Variants in UST observed in about 807,000 individuals in gnomAD.
The protein encoded by UST is uronyl 2-sulfotransferase.
Under a neutral mutation model 45.6 loss-of-function variants are expected in UST, and 21 were observed. That is an observed-to-expected ratio of 0.46 (90% CI 0.33 to 0.66). The LOEUF (loss-of-function observed/expected upper bound fraction) is 0.66, where lower values mean the gene tolerates loss of function less well. Among genes scored for constraint, UST ranks in the 30% least tolerant of loss-of-function variants. The pLI, the probability that UST is intolerant of heterozygous loss-of-function variation, is 0.02. For synonymous variants in UST, 215 were observed against 200.6 expected (o/e 1.07, Z -0.61); for missense variants, 463 against 512.4 (o/e 0.90, Z 0.93).
chr6:148,909,196 A>G (rs1779428583), intron 2 of UST, among the ~76,000 whole-genome samples: 1 of 152,226 alleles, frequency 6.6e-6, no homozygotes, highest in African/African-American at 2.4e-5. Context: ...ACTTTGTGAG[A>G]AATTCAAATT....
intron 2 of UST, among the ~76,000 whole-genome samples, chr6:148,923,913 C>T (rs1779763627): frequency 6.6e-6 from 1 of 152,160 alleles, no homozygotes; most frequent in Admixed American, 6.5e-5. Flanking sequence ...GATTTAATGC[C>T]CCTGGACCTC....
At chr6:149,041,285 C>G (rs1057342928) in intron 7 of UST, among the ~76,000 whole-genome samples, 8 of 152,228 alleles carry the variant, frequency 5.3e-5, no homozygotes, top group Non-Finnish European at 1.2e-4. Context: ...GGAGTTGGAA[C>G]CTGCTGGCTC....
At chr6:149,063,334 T>C (rs368055454) in intron 7 of UST, among the ~76,000 whole-genome samples, 3 of 152,136 alleles carry the variant, frequency 2.0e-5, no homozygotes, top group Non-Finnish European at 4.4e-5. Context: ...TCAATAGTTA[T>C]CATAAAATTA....
chr6:148,975,654 T>C (rs910285335), intron 5 of UST, among the ~76,000 whole-genome samples: 1 of 152,160 alleles, frequency 6.6e-6, no homozygotes, highest in Non-Finnish European at 1.5e-5. Flanking sequence ...TTTACAGTTA[T>C]CTCAATAAAA....
At chr6:148,813,566 G>A (rs1777299782) in intron 1 of UST, among the ~76,000 whole-genome samples, 1 of 152,064 alleles carries the variant, frequency 6.6e-6, no homozygotes, top group African/African-American at 2.4e-5. Flanking sequence ...ATTTTTAGTA[G>A]AGATGGGGTT....
chr6:148,929,651 G>A (rs185906373), intron 2 of UST, among the ~76,000 whole-genome samples: 1 of 152,174 alleles, frequency 6.6e-6, no homozygotes, highest in Non-Finnish European at 1.5e-5. Context: ...ACGAGAGAAT[G>A]TATTCTCTTT....
At chr6:149,028,522 C>G (rs1162453194) in intron 7 of UST, among the ~76,000 whole-genome samples, 1 of 152,206 alleles carries the variant, frequency 6.6e-6, no homozygotes, top group African/African-American at 2.4e-5. Context: ...TATCCTTGAC[C>G]TGTTTCACCA....
intron 1 of UST, among the ~76,000 whole-genome samples, chr6:148,791,882 C>T (rs1466256037): frequency 6.6e-6 from 1 of 152,162 alleles, no homozygotes; most frequent in Admixed American, 6.5e-5. Flanking sequence ...GCGAGTAAGT[C>T]AGGACCAACG....
intron 5 of UST, among the ~76,000 whole-genome samples, chr6:148,982,386 A>G (rs1781156202): frequency 6.6e-6 from 1 of 152,082 alleles, no homozygotes; most frequent in Non-Finnish European, 1.5e-5. Context: ...GGCATGAACC[A>G]CTGCACCCAA....
intron 2 of UST, among the ~76,000 whole-genome samples, chr6:148,908,611 A>G (rs1398689154): frequency 1.3e-5 from 2 of 152,206 alleles, no homozygotes; most frequent in African/African-American, 4.8e-5. Context: ...TGTGTGTTAA[A>G]CGAATTTAGA....
intron 1 of UST, among the ~76,000 whole-genome samples, chr6:148,820,968 CTTTTTTTT>C (rs71007920): frequency 2.5e-4 from 23 of 91,230 alleles, no homozygotes; most frequent in African/African-American, 9.1e-4. Flanking sequence ...TTTTTAATTC[CTTTTTTTT>C]TTTTTTTTTT....
chr6:148,938,668 G>A (rs1780063880), intron 2 of UST, among the ~76,000 whole-genome samples: 1 of 152,114 alleles, frequency 6.6e-6, no homozygotes, highest in South Asian at 2.1e-4. Context: ...ATTGTCAGTT[G>A]TTGATCAATG....
At chr6:148,973,108 T>C (rs936709823) in intron 5 of UST, among the ~76,000 whole-genome samples, 1 of 152,238 alleles carries the variant, frequency 6.6e-6, no homozygotes, top group South Asian at 2.1e-4. Flanking sequence ...TGTTAGGCTT[T>C]TCATTGGCAT....
At chr6:148,860,591 C>T (rs911427906) in intron 1 of UST, among the ~76,000 whole-genome samples, 4 of 152,142 alleles carry the variant, frequency 2.6e-5, no homozygotes, top group African/African-American at 9.7e-5. Context: ...AAAGGGAATG[C>T]TTCCAGTTTT....
intron 1 of UST, among the ~76,000 whole-genome samples, chr6:148,838,346 C>T (rs1777828515): frequency 6.6e-6 from 1 of 152,124 alleles, no homozygotes; most frequent in Admixed American, 6.5e-5. Flanking sequence ...GACACGAGGT[C>T]AGAGAGGAAG....
At chr6:149,039,533 G>A (rs1356807171) in intron 7 of UST, among the ~76,000 whole-genome samples, 2 of 152,164 alleles carry the variant, frequency 1.3e-5, no homozygotes, top group African/African-American at 2.4e-5. Context: ...ACAGCGGCAC[G>A]GCAAGTTAGA....
intron 2 of UST, among the ~76,000 whole-genome samples, chr6:148,911,470 C>T (rs925549033): frequency 1.3e-5 from 2 of 152,182 alleles, no homozygotes; most frequent in Admixed American, 6.5e-5. Context: ...TGTTGACTGA[C>T]GGAACCTTTG....
chr6:148,893,385 G>A (rs1779056656), intron 2 of UST, among the ~76,000 whole-genome samples: 1 of 152,188 alleles, frequency 6.6e-6, no homozygotes, highest in Non-Finnish European at 1.5e-5. Flanking sequence ...TACACCCCCA[G>A]AAGCTAATTT....
chr6:148,820,733 A>G (rs921951470), intron 1 of UST, among the ~76,000 whole-genome samples: 11 of 151,294 alleles, frequency 7.3e-5, no homozygotes, highest in African/African-American at 2.7e-4. Context: ...GCCGCCTGTA[A>G]TCCCAGCTAC....
Sources: allele counts gnomAD v4.1 joint callset (sites outside exome capture counted in the v4.1 genomes callset), GRCh38; gene constraint gnomAD v4.1.1; transcripts MANE v1.5; gene names NCBI Gene and HGNC (gene_info 2026-07-23, HGNC 2026-07-21).